Variants in TBC1D8 observed in about 807,000 individuals in gnomAD.
TBC1D8 encodes the protein TBC1 domain family member 8.
Under a neutral mutation model 118.8 loss-of-function variants are expected in TBC1D8, and 65 were observed. The ratio of observed to expected loss-of-function variants is 0.55; its 90% CI spans 0.45 to 0.67. The LOEUF is 0.67. Among genes scored for constraint, TBC1D8 ranks in the 30% least tolerant of loss-of-function variants. The probability of loss-of-function intolerance (pLI) is 0.00; values close to 1 mark genes in which losing one functional copy is unlikely to be tolerated. For synonymous variants in TBC1D8, 566 were observed against 595.8 expected, an observed-to-expected ratio of 0.95 and a Z score of 0.73; for missense variants, 1,376 against 1,471.2, an observed-to-expected ratio of 0.94 and a Z score of 1.06.
chr2:101,122,749 C>T (rs6759692), intron 1 of TBC1D8, among the ~76,000 whole-genome samples: 43,747 of 151,978 alleles, frequency 0.29, 6,212 homozygotes, highest in Middle Eastern at 0.35. Flanking sequence ...TTAAAATAAA[C>T]TTTTAAACAA....
Position 101,008,000 on chromosome 2 carries a change from T to C in TBC1D8, c.3289A>G (p.Thr1097Ala). 4 of 1,613,982 alleles carry C rather than the reference T, an allele frequency of 2.5e-6. No individual in the cohort carries two copies. The highest frequency in any genetic ancestry group is 3.4e-6 in the Non-Finnish European group (4 of 1,179,884). ...GCTAAAATATGTTCAAGGGAGACAG[T>C]CCAGTCCCTTTCTGCCGCCTCTGGA... ...AFPEAAERDWTVSLEHILASL... is the reference protein window; with the variant it reads ...AFPEAAERDWAVSLEHILASL... Residue 1097 changes from threonine to alanine, a missense_variant, in exon 20 of 20, where the codon ACT becomes GCT. Coordinates refer to ENST00000409318, the MANE Select transcript of TBC1D8 (RefSeq NM_001330348.2).
intron 17 of TBC1D8, among the ~76,000 whole-genome samples, chr2:101,012,238 A>C (rs1311967261): frequency 6.6e-6 from 1 of 152,246 alleles, no homozygotes; most frequent in South Asian, 2.1e-4. Flanking sequence ...AAGTGTTCAC[A>C]TGCAAACTTG....
chr2:101,022,916 G>A (rs1432595979), intron 15 of TBC1D8, among the ~76,000 whole-genome samples: 1 of 151,992 alleles, frequency 6.6e-6, no homozygotes, highest in South Asian at 2.1e-4. Flanking sequence ...ACCGAGGTGG[G>A]TGGATCGTCT....
At chr2:101,030,287 G>A (rs13412722) in intron 11 of TBC1D8, among the ~76,000 whole-genome samples, 28,099 of 152,162 alleles carry the variant, frequency 0.18, 2,812 homozygotes, top group Middle Eastern at 0.32. Context: ...ATGCCTGACA[G>A]AGGTCTTATA....
intron 1 of TBC1D8, among the ~76,000 whole-genome samples, chr2:101,139,207 T>C (rs986899956): frequency 8.5e-4 from 128 of 151,330 alleles, no homozygotes; most frequent in African/African-American, 2.9e-3. Flanking sequence ...TTCAAATCTT[T>C]CCCCAGCCTG....
chr2:101,137,432 C>A (rs2104270735), intron 1 of TBC1D8, among the ~76,000 whole-genome samples: 1 of 152,256 alleles, frequency 6.6e-6, no homozygotes, highest in South Asian at 2.1e-4. Flanking sequence ...CCTGCCTCAG[C>A]CTCTCGAGTA....
intron 1 of TBC1D8, among the ~76,000 whole-genome samples, chr2:101,102,006 T>C (rs533599396): frequency 6.7e-6 from 1 of 148,570 alleles, no homozygotes; most frequent in East Asian, 2.0e-4. Context: ...ACATGTATCC[T>C]GTTTTGTTGG....
chr2:101,040,034 A>C (rs1681279065), intron 6 of TBC1D8, 144 bp downstream of exon 6: 1 of 875,618 alleles, frequency 1.1e-6, no homozygotes, highest in African/African-American at 1.7e-5. Context: ...CTCCCTCAAG[A>C]AGCCCAGCCT....
chr2:101,094,036 G>A (rs983927151), intron 1 of TBC1D8, among the ~76,000 whole-genome samples: 1 of 152,020 alleles, frequency 6.6e-6, no homozygotes, highest in Non-Finnish European at 1.5e-5. Flanking sequence ...TCCTCCTGTT[G>A]CTACCAATAT....
At chr2:101,090,077 G>A (rs1675921603) in intron 2 of TBC1D8, 132 bp downstream of exon 2, 1 of 856,306 alleles carries the variant, frequency 1.2e-6, no homozygotes, top group East Asian at 2.7e-5. Flanking sequence ...GAGTGGAGGG[G>A]AGGGGAGTTA....
intron 1 of TBC1D8, 23 bp downstream of exon 1, chr2:101,151,104 G>A: frequency 1.0e-6 from 1 of 1,003,318 alleles, no homozygotes; most frequent in Non-Finnish European, 1.2e-6. Context: ...CGGCCGCCGC[G>A]CCCGCCCCGG....
chr2:101,134,869 A>C (rs959365345), intron 1 of TBC1D8, among the ~76,000 whole-genome samples: 1 of 152,142 alleles, frequency 6.6e-6, no homozygotes, highest in African/African-American at 2.4e-5. Flanking sequence ...TGAAGTTAAA[A>C]CCAAACAGAA....
intron 15 of TBC1D8, among the ~76,000 whole-genome samples, 171 bp from the exon 16 acceptor site, chr2:101,022,692 C>T (rs147459785): frequency 4.6e-5 from 7 of 152,188 alleles, no homozygotes; most frequent in Admixed American, 6.5e-5. Context: ...GTAATTTTCA[C>T]GTTGGTTTTT....
intron 2 of TBC1D8, among the ~76,000 whole-genome samples, chr2:101,086,725 C>T (rs981448541): frequency 6.6e-6 from 1 of 152,058 alleles, no homozygotes; most frequent in African/African-American, 2.4e-5. Context: ...TTTTGGGCCA[C>T]ACATAAAATA....
rs1330415584 is a variant in TBC1D8 at position 101,029,745 on chromosome 2, C to G, written c.1968G>C (p.Glu656Asp). 2 of 1,613,832 alleles carry G rather than the reference C, an allele frequency of 1.2e-6. No homozygotes were observed. Among genetic ancestry groups the G allele is most frequent in the Non-Finnish European group, 1.7e-6 (2 of 1,179,872 alleles). The change falls in exon 12 of 20, where the codon GAG becomes GAC. Residue 656 changes from glutamate (E) to aspartate (D), a missense_variant. Coordinates refer to ENST00000409318, the MANE Select transcript of TBC1D8 (RefSeq NM_001330348.2). ...GAQVDQSVFE[E>D]LIKGHLPELA... ...GCTCTGGGAGATGACCCTTGATGAG[C>G]TCCTCGAAGACAGACTGGTCAACTT...
chr2:101,016,768 T>C (rs967045993), intron 17 of TBC1D8, among the ~76,000 whole-genome samples: 1 of 152,168 alleles, frequency 6.6e-6, no homozygotes, highest in Non-Finnish European at 1.5e-5. Context: ...GTTCATGTCC[T>C]TTGTAGGGAC....
intron 2 of TBC1D8, among the ~76,000 whole-genome samples, chr2:101,069,711 G>A (rs1454097258): frequency 6.6e-6 from 1 of 152,104 alleles, no homozygotes; most frequent in East Asian, 1.9e-4. Flanking sequence ...AAGATTGATA[G>A]AACTTGTATT....
intron 2 of TBC1D8, among the ~76,000 whole-genome samples, chr2:101,066,407 G>A (rs1284238558): frequency 6.6e-6 from 1 of 152,052 alleles, no homozygotes; most frequent in African/African-American, 2.4e-5. Context: ...CAAACCTTTA[G>A]GAATGAGAAA....
intron 17 of TBC1D8, chr2:101,019,013 G>A (rs958891398): frequency 6.2e-7 from 1 of 1,612,540 alleles, no homozygotes; most frequent in African/African-American, 1.3e-5. Flanking sequence ...GTGCTAAACA[G>A]TGTTACAGTC....
Sources: gnomAD v4.1 joint callset for allele counts (sites outside exome capture counted in the v4.1 genomes callset) on GRCh38, gnomAD v4.1.1 for gene constraint, MANE v1.5 for transcripts, NCBI Gene and HGNC (gene_info 2026-07-23, HGNC 2026-07-21) for gene names.